The following PAM variants were observed in gnomAD, a reference collection of about 807,000 sequenced individuals.
PAM encodes the protein peptidylglycine alpha-amidating monooxygenase.
PAM carries 72 observed loss-of-function variants against 122.1 expected under a neutral mutation model. That is an observed-to-expected ratio of 0.59 (90% CI 0.49 to 0.72). The LOEUF is 0.72. Ranked by LOEUF, PAM falls within the 30% of genes least tolerant of loss-of-function variation. The pLI, the probability that PAM is intolerant of heterozygous loss-of-function variation, is 0.00. For missense variants in PAM, 1,106 were observed against 1,183.7 expected (o/e 0.93, Z 0.96); for synonymous variants, 389 against 404.4 (o/e 0.96, Z 0.46).
At chr5:102,807,361 T>C (rs569766996) in intron 1 of PAM, among the ~76,000 whole-genome samples, 2 of 152,342 alleles carry the variant, frequency 1.3e-5, no homozygotes, top group Admixed American at 6.5e-5. Flanking sequence ...TTCCTCTGAA[T>C]GTGGGTCACA....
intron 7 of PAM, among the ~76,000 whole-genome samples, chr5:102,930,069 C>T (rs1750950785): frequency 1.3e-5 from 2 of 151,980 alleles, no homozygotes; most frequent in African/African-American, 4.8e-5. Flanking sequence ...AAAATGTTTG[C>T]TTTACTTTGT....
chr5:102,849,327 G>A (rs545532072), intron 1 of PAM, among the ~76,000 whole-genome samples: 2 of 152,250 alleles, frequency 1.3e-5, no homozygotes, highest in Middle Eastern at 3.4e-3. Context: ...GGGAGGCCAA[G>A]GCAGGCGGAT....
At chr5:102,962,205 T>C (rs1220139525) in intron 14 of PAM, among the ~76,000 whole-genome samples, 2 of 151,844 alleles carry the variant, frequency 1.3e-5, no homozygotes, top group African/African-American at 2.4e-5. Flanking sequence ...TAAAGTAAAC[T>C]GTGATCCTGA....
intron 23 of PAM, among the ~76,000 whole-genome samples, chr5:103,024,489 A>G (rs1784418553): frequency 6.6e-6 from 1 of 152,168 alleles, no homozygotes; most frequent in Non-Finnish European, 1.5e-5. Flanking sequence ...GAGCCTGAAA[A>G]GCACATAGTT....
chr5:102,961,930 GT>G, intron 14 of PAM, among the ~76,000 whole-genome samples: 1 of 151,940 alleles, frequency 6.6e-6, no homozygotes, highest in East Asian at 1.9e-4. Flanking sequence ...CTAAAAAGTT[GT>G]TTTTGGCCTA....
chr5:102,906,059 T>G (rs550705552), intron 4 of PAM, among the ~76,000 whole-genome samples: 1 of 151,644 alleles, frequency 6.6e-6, no homozygotes, highest in Non-Finnish European at 1.5e-5. Context: ...CAGAGTTTCT[T>G]AAACGTCTTC....
chr5:102,825,999 A>C (rs1048027486), intron 1 of PAM, among the ~76,000 whole-genome samples: 2 of 152,190 alleles, frequency 1.3e-5, no homozygotes, highest in Non-Finnish European at 2.9e-5. Context: ...TACTTAACAA[A>C]ATAAAGCCTT....
chr5:102,903,021 T>C (rs1798464246), intron 4 of PAM, among the ~76,000 whole-genome samples: 1 of 151,550 alleles, frequency 6.6e-6, no homozygotes, highest in Non-Finnish European at 1.5e-5. Flanking sequence ...AGTGAGTATA[T>C]TCAGTCAAGT....
intron 1 of PAM, among the ~76,000 whole-genome samples, chr5:102,757,876 A>G (rs1750930051): frequency 1.3e-5 from 2 of 151,566 alleles, no homozygotes; most frequent in South Asian, 4.2e-4. Flanking sequence ...CTCTACAAAA[A>G]ATATTAAAAG....
At chr5:102,923,897 A>G (rs189021986) in intron 5 of PAM, among the ~76,000 whole-genome samples, 101 of 152,304 alleles carry the variant, frequency 6.6e-4, no homozygotes, top group African/African-American at 2.4e-3. Context: ...GATAAAGTGA[A>G]TGTTTTGTTA....
At position 102,803,129 on chromosome 5, in the gene PAM, AAAAGAAAGAAAG is replaced by A. The variant is rs1245134657; in HGVS notation, c.-374+47790_-374+47801del. On this transcript the variant is annotated intron_variant, in intron 1 of 25. Coordinates refer to ENST00000438793, the MANE Select transcript of PAM (RefSeq NM_001177306.2). Reference sequence around the variant, plus strand: ...CAGAGAGAGATTCTGTGTCCAAAAAAAAAGAAAGAAAGAAAGAAAGGAAGGAAGGAAGGAAGG... The same window carrying A: ...CAGAGAGAGATTCTGTGTCCAAAAAAAAAGAAAGGAAGGAAGGAAGGAAGG... 2.8e-5 allele frequency among the ~76,000 whole-genome samples: 4 copies of A among 142,806 alleles called. 1 individual carries two copies. Among genetic ancestry groups the A allele is most frequent in the Non-Finnish European group, 6.0e-5 (4 of 66,964 alleles). The allele number at this position is 142,806 out of a possible 152,430, so 93.7% of individuals were successfully genotyped here.
chr5:102,818,134 G>A (rs1580507173), intron 1 of PAM, among the ~76,000 whole-genome samples: 1 of 148,228 alleles, frequency 6.7e-6, no homozygotes, highest in Non-Finnish European at 1.5e-5. Flanking sequence ...CAAAATCTTA[G>A]CACTTGTCAA....
intron 15 of PAM, among the ~76,000 whole-genome samples, chr5:102,985,795 G>T (rs898173028): frequency 6.6e-6 from 1 of 152,036 alleles, no homozygotes; most frequent in Non-Finnish European, 1.5e-5. Flanking sequence ...AGTGAAAAAA[G>T]AAAAGAGCAA....
At chr5:102,985,268 GA>G (rs1039659958) in intron 15 of PAM, among the ~76,000 whole-genome samples, 6 of 151,338 alleles carry the variant, frequency 4.0e-5, no homozygotes, top group Non-Finnish European at 5.9e-5. Context: ...AAAGGTCAAT[GA>G]AAAAAAAGTT....
chr5:102,921,995 A>C (rs1708057761), intron 5 of PAM, among the ~76,000 whole-genome samples: 2 of 152,112 alleles, frequency 1.3e-5, no homozygotes, highest in South Asian at 2.1e-4. Flanking sequence ...CAATAATTCA[A>C]ATTTATTGGT....
intron 1 of PAM, among the ~76,000 whole-genome samples, chr5:102,779,819 C>CA (rs58009766): frequency 0.44 from 64,378 of 146,652 alleles, 14,588 homozygotes; most frequent in African/African-American, 0.54. Context: ...CAATGCTCCT[C>CA]GCCTGCAGAC....
chr5:102,848,014 C>T (rs1012147530), intron 1 of PAM, among the ~76,000 whole-genome samples: 16 of 152,098 alleles, frequency 1.1e-4, no homozygotes, highest in Non-Finnish European at 2.4e-4. Flanking sequence ...CCTGAAAAAC[C>T]TGTTCTTCAT....
intron 21 of PAM, among the ~76,000 whole-genome samples, chr5:103,013,176 A>G (rs1279466041): frequency 1.3e-5 from 2 of 152,170 alleles, no homozygotes; most frequent in African/African-American, 4.8e-5. Context: ...TATTTTAACA[A>G]TACTGATTCT....
rs546225595 is a variant in PAM at position 102,757,952 on chromosome 5, G to A, written c.-374+2604G>A. On this transcript the variant is annotated intron_variant, in intron 1 of 25. Coordinates refer to ENST00000438793, the MANE Select transcript of PAM (RefSeq NM_001177306.2). ...AGCTACTCAAGAGGCTGAGGAGGGA[G>A]GATCTCTTGAAACTGGGAGGTTGAG... 6.6e-5 allele frequency among the ~76,000 whole-genome samples: 10 copies of A among 150,868 alleles called. No homozygotes were observed. In the South Asian group the frequency reaches 2.1e-3, roughly 32 times the overall value.
Sources: allele counts gnomAD v4.1 joint callset (sites outside exome capture counted in the v4.1 genomes callset), GRCh38; gene constraint gnomAD v4.1.1; transcripts MANE v1.5; gene names NCBI Gene and HGNC (gene_info 2026-07-23, HGNC 2026-07-21).